The following NRXN1 variants were observed in gnomAD, a reference collection of about 807,000 sequenced individuals.
NRXN1 encodes neurexin-1.
Under a neutral mutation model 150.9 loss-of-function variants are expected in NRXN1, and 39 were observed. The observed-to-expected ratio is 0.26, with a 90% CI of 0.20 to 0.34. NRXN1 has a LOEUF of 0.34. Among genes scored for constraint, NRXN1 ranks in the 10% least tolerant of loss-of-function variants. The pLI, the probability that NRXN1 is intolerant of heterozygous loss-of-function variation, is 1.00. For missense variants in NRXN1, 1,815 were observed against 1,949.9 expected, an observed-to-expected ratio of 0.93 and a Z score of 1.30; for synonymous variants, 924 against 757.0, an observed-to-expected ratio of 1.22 and a Z score of -3.62.
At chr2:50,634,284 A>G (rs530121513) in intron 5 of NRXN1, among the ~76,000 whole-genome samples, 50 of 152,344 alleles carry the variant, frequency 3.3e-4, no homozygotes, top group African/African-American at 1.1e-3. Context: ...TGAGTCCAAC[A>G]TTTATGAAGT....
chr2:50,484,288 A>C (rs1573189941), intron 15 of NRXN1, among the ~76,000 whole-genome samples: 1 of 152,132 alleles, frequency 6.6e-6, no homozygotes, highest in South Asian at 2.1e-4. Context: ...TCCAAAAAAG[A>C]ATTCCTTCTG....
chr2:50,869,377 T>G (rs1404381199), intron 5 of NRXN1, among the ~76,000 whole-genome samples: 1 of 151,640 alleles, frequency 6.6e-6, no homozygotes, highest in Non-Finnish European at 1.5e-5. Context: ...CTACTGTAAT[T>G]CTCAAAATTT....
At chr2:50,964,840 C>T (rs1693799000) in intron 2 of NRXN1, among the ~76,000 whole-genome samples, 1 of 151,380 alleles carries the variant, frequency 6.6e-6, no homozygotes, top group Non-Finnish European at 1.5e-5. Context: ...GAAAACAATT[C>T]CCATTGATGC....
intron 5 of NRXN1, among the ~76,000 whole-genome samples, chr2:50,633,903 G>A (rs1682805656): frequency 6.6e-6 from 1 of 152,036 alleles, no homozygotes; most frequent in Non-Finnish European, 1.5e-5. Flanking sequence ...AACTGAGCAG[G>A]GAAGTTGTTT....
intron 21 of NRXN1, among the ~76,000 whole-genome samples, chr2:50,041,148 T>G (rs1040744380): frequency 1.7e-4 from 26 of 152,198 alleles, no homozygotes; most frequent in African/African-American, 6.0e-4. Flanking sequence ...CTAGGCTTTA[T>G]CAAGATCTGT....
chr2:50,349,822 A>G (rs915243324), intron 17 of NRXN1, among the ~76,000 whole-genome samples: 8 of 152,192 alleles, frequency 5.3e-5, no homozygotes, highest in African/African-American at 1.9e-4. Context: ...GTTGCCTTCC[A>G]TCTAAAAGAT....
chr2:50,293,253 C>CT (rs1471458559), intron 17 of NRXN1, among the ~76,000 whole-genome samples: 1 of 152,056 alleles, frequency 6.6e-6, no homozygotes, highest in Non-Finnish European at 1.5e-5. Flanking sequence ...TGTCACATCT[C>CT]TTTTCCATCT....
At chr2:50,936,452 A>G (rs982692965) in intron 2 of NRXN1, among the ~76,000 whole-genome samples, 1 of 152,206 alleles carries the variant, frequency 6.6e-6, no homozygotes, top group African/African-American at 2.4e-5. Flanking sequence ...CATTTCTGAC[A>G]GTATTGCAAT....
intron 6 of NRXN1, among the ~76,000 whole-genome samples, chr2:50,622,662 T>TG (rs1414280614): frequency 6.6e-6 from 1 of 152,160 alleles, no homozygotes; most frequent in African/African-American, 2.4e-5. Flanking sequence ...TATAGCATCT[T>TG]GAAAAAGTTT....
intron 5 of NRXN1, among the ~76,000 whole-genome samples, chr2:50,820,725 CAAG>C (rs961475397): frequency 6.6e-5 from 10 of 152,182 alleles, no homozygotes; most frequent in Admixed American, 5.2e-4. Flanking sequence ...CAGTTGTAAA[CAAG>C]GAGGAGCCTG....
chr2:50,130,349 T>A (rs1027486375), intron 18 of NRXN1, among the ~76,000 whole-genome samples: 1 of 152,024 alleles, frequency 6.6e-6, no homozygotes, highest in Non-Finnish European at 1.5e-5. Flanking sequence ...GAAGGAGCAA[T>A]AATGTCCTTC....
At chr2:50,785,722 G>C (rs557746219) in intron 5 of NRXN1, among the ~76,000 whole-genome samples, 2 of 152,140 alleles carry the variant, frequency 1.3e-5, no homozygotes, top group African/African-American at 4.8e-5. Flanking sequence ...CAGGTGAGTA[G>C]AGCAGGAGCT....
chr2:50,098,830 G>GTTTTTTTTTTTTTTTTTTTTT lies in NRXN1; in HGVS notation c.3547-7357_3547-7337dup, dbSNP rs746736925. Among the ~76,000 whole-genome samples the GTTTTTTTTTTTTTTTTTTTTT allele has an allele frequency of 1.7e-4, 18 of 105,556 alleles. 2 individuals carry two copies. Among genetic ancestry groups the GTTTTTTTTTTTTTTTTTTTTT allele is most frequent in the Non-Finnish European group, 3.1e-4 (16 of 51,620 alleles). 69.2% of individuals were successfully genotyped at this position (105,556 alleles called of 152,430 possible). On this transcript the variant is annotated intron_variant, in intron 18 of 22. Coordinates refer to ENST00000401669, the MANE Select transcript of NRXN1 (RefSeq NM_001330078.2). ...GTGCATGGTTTTGTTTTTGGTTTTA[G>GTTTTTTTTTTTTTTTTTTTTT]TTTTTTTTTTTTTTTTTTTTTTTTT... is the stretch of plus-strand genomic sequence containing the variant.
intron 9 of NRXN1, among the ~76,000 whole-genome samples, chr2:50,540,017 G>C (rs2093353878): frequency 6.6e-6 from 1 of 152,180 alleles, no homozygotes; most frequent in South Asian, 2.1e-4. Flanking sequence ...AATCCCAGCA[G>C]AAGGGCCCCC....
chr2:50,133,244 G>C (rs1303677515), intron 18 of NRXN1, among the ~76,000 whole-genome samples: 2 of 152,092 alleles, frequency 1.3e-5, no homozygotes, highest in Non-Finnish European at 2.9e-5. Flanking sequence ...AGGGAAAGTG[G>C]CTGAGGCAGA....
intron 17 of NRXN1, among the ~76,000 whole-genome samples, chr2:50,322,034 C>CAA (rs10707210): frequency 1.2e-4 from 14 of 117,576 alleles, no homozygotes; most frequent in African/African-American, 2.3e-4. Flanking sequence ...ATTACAACAT[C>CAA]AAAAAAAAAA....
intron 5 of NRXN1, among the ~76,000 whole-genome samples, chr2:50,778,103 A>C (rs1007559528): frequency 1.2e-4 from 19 of 152,114 alleles, no homozygotes; most frequent in African/African-American, 3.9e-4. Context: ...CTTCAGAGAT[A>C]CAGTCAGTTA....
At chr2:50,843,616 T>C (rs1403374817) in intron 5 of NRXN1, among the ~76,000 whole-genome samples, 2 of 152,206 alleles carry the variant, frequency 1.3e-5, no homozygotes, top group Non-Finnish European at 2.9e-5. Context: ...GCAGTGGTAA[T>C]TGCCAGTGAG....
chr2:50,673,540 T>C (rs1458506544), intron 5 of NRXN1, among the ~76,000 whole-genome samples: 1 of 152,140 alleles, frequency 6.6e-6, no homozygotes, highest in Non-Finnish European at 1.5e-5. Context: ...TCATAAAAGA[T>C]GTTTACATTT....
Sources: allele counts gnomAD v4.1 joint callset (sites outside exome capture counted in the v4.1 genomes callset), GRCh38; gene constraint gnomAD v4.1.1; transcripts MANE v1.5; gene names NCBI Gene and HGNC (gene_info 2026-07-23, HGNC 2026-07-21).